HLCS: variants seen among roughly 807,000 people sequenced by gnomAD.
The protein encoded by HLCS is biotin--protein ligase.
HLCS carries 53 observed loss-of-function variants against 75.0 expected under a neutral mutation model. The ratio of observed to expected loss-of-function variants is 0.71; its 90% CI spans 0.57 to 0.89. The LOEUF (loss-of-function observed/expected upper bound fraction) is 0.89, where lower values mean the gene tolerates loss of function less well. Among genes scored for constraint, HLCS ranks in the 40% least tolerant of loss-of-function variants. The pLI is 0.00. For missense variants in HLCS, 966 were observed against 1,074.0 expected, an observed-to-expected ratio of 0.90 and a Z score of 1.41; for synonymous variants, 431 against 428.6, an observed-to-expected ratio of 1.01 and a Z score of -0.07.
chr21:36,943,414 T>C (rs1383322140), intron 2 of HLCS: 1 of 153,180 alleles, frequency 6.5e-6, no homozygotes, highest in Admixed American at 6.5e-5. Flanking sequence ...GTCTCCAAAA[T>C]GGAAATAGAT....
intron 2 of HLCS, among the ~76,000 whole-genome samples, chr21:36,959,939 T>A (rs2061317340): frequency 6.6e-6 from 1 of 152,186 alleles, no homozygotes; most frequent in Non-Finnish European, 1.5e-5. Context: ...AGAAGAACTG[T>A]GGCCCTTTAA....
In HLCS at chr21:36,812,554, C is replaced by T. The variant is rs115823819; in HGVS notation, c.1893-45269G>A. Among the ~76,000 whole-genome samples the T allele has an allele frequency of 7.6e-3, 1,162 of 152,148 alleles. 18 individuals are homozygous for T. The highest frequency in any genetic ancestry group is 0.026 in the African/African-American group (1,080 of 41,488). On this transcript the variant is annotated intron_variant, in intron 6 of 10. Coordinates refer to ENST00000674895, the MANE Select transcript of HLCS (RefSeq NM_001352514.2). ...TCTTTGTAAGCTCAAAAATATAGCTCTCATTATTTTGACTTAGTTTGTTTA... is the reference window on the plus strand; with the variant it reads ...TCTTTGTAAGCTCAAAAATATAGCTTTCATTATTTTGACTTAGTTTGTTTA...
rs1337727854 is a variant in HLCS at position 36,754,014 on chromosome 21, T to C, written c.*232A>G. 3 of 580,264 alleles carry C rather than the reference T, an allele frequency of 5.2e-6. No individual in the cohort carries two copies. The highest frequency in any genetic ancestry group is 6.1e-6 in the Non-Finnish European group (2 of 326,654). The allele number at this position is 580,264 out of a possible 1,614,324, so 35.9% of individuals were successfully genotyped here. The stretch of plus-strand genomic sequence containing the variant: ...AGAGGGGAGAGCAATTTCCCACCTG[T>C]GGGAGGGCTTTCCCTAAACTAAATT... On this transcript the variant is annotated 3_prime_UTR_variant, in exon 11 of 11. Coordinates refer to ENST00000674895, the MANE Select transcript of HLCS (RefSeq NM_001352514.2).
chr21:36,850,484 AG>A (rs2062957036), intron 6 of HLCS, among the ~76,000 whole-genome samples: 2 of 152,188 alleles, frequency 1.3e-5, no homozygotes, highest in Admixed American at 6.5e-5. Context: ...TGCACCCCCA[AG>A]CCCCAAGCTC....
At chr21:36,781,135 T>C (rs191299824) in intron 6 of HLCS, among the ~76,000 whole-genome samples, 45 of 152,158 alleles carry the variant, frequency 3.0e-4, no homozygotes, top group African/African-American at 9.6e-4. Flanking sequence ...GGGATCTAGG[T>C]TGCATACTCC....
intron 6 of HLCS, among the ~76,000 whole-genome samples, chr21:36,797,300 T>C (rs564300415): frequency 2.0e-5 from 3 of 152,262 alleles, no homozygotes; most frequent in Admixed American, 6.5e-5. Flanking sequence ...AGAGTGATAA[T>C]GTCAGAAAAG....
rs765699943 is a variant in HLCS, at chr21:36,936,827, G to A, written c.1059C>T (p.Leu353=). The change falls in exon 4 of 11, where the codon CTC becomes CTT. Residue 353 remains leucine, a synonymous_variant. Coordinates refer to ENST00000674895, the MANE Select transcript of HLCS (RefSeq NM_001352514.2). ...GACAGTTGTCCGTCCACGGGTCTCT[G>A]AGAGCACTGTCCTCCAGCAGGTGGT... ...ILYHLLEDSA[L]RDPWTDNCLL... is the part of the protein sequence containing the mutation. 2 of 1,614,168 alleles carry A rather than the reference G, an allele frequency of 1.2e-6. No individual in the cohort carries two copies. Among genetic ancestry groups the A allele is most frequent in the South Asian group, 1.1e-5 (1 of 91,082 alleles).
chr21:36,928,628 C>A (rs540892896), intron 5 of HLCS, among the ~76,000 whole-genome samples: 1 of 152,122 alleles, frequency 6.6e-6, no homozygotes, highest in African/African-American at 2.4e-5. Context: ...GTACTCATTC[C>A]ATTCCTTGGG....
chr21:36,881,192 A>T (rs2064198780), intron 6 of HLCS, among the ~76,000 whole-genome samples: 1 of 151,394 alleles, frequency 6.6e-6, no homozygotes, highest in African/African-American at 2.4e-5. Flanking sequence ...ATGGTCTCAA[A>T]CTCCTGACCT....
At chr21:36,883,793 T>C (rs2064329671) in intron 6 of HLCS, among the ~76,000 whole-genome samples, 1 of 152,092 alleles carries the variant, frequency 6.6e-6, no homozygotes, top group Non-Finnish European at 1.5e-5. Context: ...GCTCTGACCT[T>C]CCCCACATGA....
intron 6 of HLCS, among the ~76,000 whole-genome samples, chr21:36,786,454 C>A (rs2060689056): frequency 6.6e-6 from 1 of 152,138 alleles, no homozygotes; most frequent in South Asian, 2.1e-4. Context: ...ACTTAAAGAA[C>A]TTCTTTATTC....
chr21:36,959,525 G>C (rs2068161934), intron 2 of HLCS, among the ~76,000 whole-genome samples: 1 of 152,212 alleles, frequency 6.6e-6, no homozygotes, highest in Non-Finnish European at 1.5e-5. Context: ...TTCAAGCCAA[G>C]ACCAGCCCAA....
At chr21:36,805,790 C>T (rs1479535718) in intron 6 of HLCS, among the ~76,000 whole-genome samples, 1 of 152,172 alleles carries the variant, frequency 6.6e-6, no homozygotes, top group African/African-American at 2.4e-5. Context: ...CCACTAGCCA[C>T]AGGGACAGCA....
chr21:36,768,586 T>A (rs1225605689), intron 6 of HLCS, among the ~76,000 whole-genome samples: 2 of 152,138 alleles, frequency 1.3e-5, no homozygotes, highest in Non-Finnish European at 2.9e-5. Flanking sequence ...TAAAAAGACC[T>A]CAGGACACAC....
chr21:36,792,851 G>C (rs562326152), intron 6 of HLCS, among the ~76,000 whole-genome samples: 2 of 152,288 alleles, frequency 1.3e-5, no homozygotes, highest in African/African-American at 4.8e-5. Flanking sequence ...GGAAAGGGCT[G>C]TGTCCCCTCA....
rs1369860703 is a variant in HLCS at position 36,767,270 on chromosome 21, T to A, written c.1908A>T (p.Thr636=). Residue 636 remains threonine, a synonymous_variant, in exon 7 of 11, where the codon ACA becomes ACT. Transcript: ENST00000674895. ...MRLLDGLMFQ[T]PQEMGLIVIA... ...TCACTATTAAGCCCATTTCCTGCGG[T>A]GTCTGAAACATCAGCCTGCCGAAGA... 2.5e-6 allele frequency: 4 copies of A among 1,614,042 alleles called. No homozygotes were observed. Among genetic ancestry groups the A allele is most frequent in the Non-Finnish European group, 3.4e-6 (4 of 1,180,034 alleles).
At chr21:36,782,289 C>A (rs1442882546) in intron 6 of HLCS, among the ~76,000 whole-genome samples, 2 of 152,128 alleles carry the variant, frequency 1.3e-5, no homozygotes, top group African/African-American at 4.8e-5. Context: ...TAGGAAAATT[C>A]CAAAAGAAAC....
intron 6 of HLCS, 87 bp from the exon 7 acceptor site, chr21:36,767,372 T>C (rs1253483191): frequency 5.3e-6 from 7 of 1,316,564 alleles, no homozygotes; most frequent in Non-Finnish European, 7.7e-6. Flanking sequence ...AGGGTTTGCA[T>C]GCATCTGGGG....
intron 6 of HLCS, among the ~76,000 whole-genome samples, chr21:36,826,913 G>A (rs892965042): frequency 3.3e-5 from 5 of 152,186 alleles, no homozygotes; most frequent in Admixed American, 1.3e-4. Flanking sequence ...AGGATCCAGT[G>A]TTGGCTTAAT....
Sources: allele counts gnomAD v4.1 joint callset (sites outside exome capture counted in the v4.1 genomes callset), GRCh38; gene constraint gnomAD v4.1.1; transcripts MANE v1.5; gene names NCBI Gene and HGNC (gene_info 2026-07-23, HGNC 2026-07-21).